EPHB2: variants seen among roughly 807,000 people sequenced by gnomAD.
EPHB2 encodes the protein EPH receptor B2.
Under a neutral mutation model 96.4 loss-of-function variants are expected in EPHB2, and 18 were observed. The ratio of observed to expected loss-of-function variants is 0.19; its 90% CI spans 0.13 to 0.28. The LOEUF (loss-of-function observed/expected upper bound fraction) is 0.28. Ranked by LOEUF, EPHB2 falls within the 10% of genes least tolerant of loss-of-function variation. EPHB2 has a pLI of 1.00. For missense variants in EPHB2, 989 were observed against 1,355.4 expected (o/e 0.73, Z 4.25); for synonymous variants, 506 against 534.1 (o/e 0.95, Z 0.72).
intron 3 of EPHB2, among the ~76,000 whole-genome samples, chr1:22,861,020 A>G (rs1334045969): frequency 6.6e-6 from 1 of 152,190 alleles, no homozygotes; most frequent in Non-Finnish European, 1.5e-5. Context: ...AATGAGAACA[A>G]TGTAGCTCAG....
intron 3 of EPHB2, among the ~76,000 whole-genome samples, chr1:22,838,329 C>T (rs1322185869): frequency 6.6e-6 from 1 of 152,234 alleles, no homozygotes; most frequent in African/African-American, 2.4e-5. Context: ...CATAAGGGAA[C>T]ATATCTGTTC....
At chr1:22,811,836 C>T (rs1645006691) in intron 3 of EPHB2, among the ~76,000 whole-genome samples, 1 of 152,126 alleles carries the variant, frequency 6.6e-6, no homozygotes, top group Non-Finnish European at 1.5e-5. Context: ...TCCCAGAGTT[C>T]CAGACCAGCC....
intron 3 of EPHB2, among the ~76,000 whole-genome samples, chr1:22,796,306 G>A (rs994813154): frequency 3.9e-5 from 6 of 152,102 alleles, no homozygotes; most frequent in East Asian, 1.9e-4. Flanking sequence ...GTTATCCTGC[G>A]GGGTGGGCTG....
chr1:22,854,277 A>C lies in EPHB2; in HGVS notation c.812-8760A>C, dbSNP rs914231008. Among the ~76,000 whole-genome samples, 3 of 152,122 alleles carry C rather than the reference A, an allele frequency of 2.0e-5. No homozygotes were observed. The South Asian group carries it at 6.2e-4, about 32-fold the overall frequency. On this transcript the variant is annotated intron_variant, in intron 3 of 15. Transcript: ENST00000374630. ...TGTAATCCCAGCACTTAGGGAGGTC[A>C]GGGTAGGAGGATCACTTGAGCCCAA...
chr1:22,814,411 C>T (rs960657564), intron 3 of EPHB2, among the ~76,000 whole-genome samples: 4 of 152,182 alleles, frequency 2.6e-5, no homozygotes, highest in South Asian at 2.1e-4. Context: ...GAGGCGGTGT[C>T]CCCAACACTG....
At chr1:22,727,558 T>C (rs1479415140) in intron 1 of EPHB2, among the ~76,000 whole-genome samples, 4 of 152,030 alleles carry the variant, frequency 2.6e-5, no homozygotes, top group Non-Finnish European at 5.9e-5. Context: ...ATGCAGAGTG[T>C]CAGAGCTGGA....
At chr1:22,754,574 C>A (rs868385697) in intron 1 of EPHB2, among the ~76,000 whole-genome samples, 1 of 151,378 alleles carries the variant, frequency 6.6e-6, no homozygotes, top group African/African-American at 2.4e-5. Context: ...GCGAGGTGTG[C>A]AGTGGAGCTT....
At chr1:22,711,199 G>C (rs866277356) in intron 1 of EPHB2, among the ~76,000 whole-genome samples, 156 bp downstream of exon 1, 5 of 146,664 alleles carry the variant, frequency 3.4e-5, no homozygotes, top group Admixed American at 2.0e-4. Context: ...GCCGCGCCGG[G>C]AGGAGCGGGC....
chr1:22,800,674 C>T (rs562933205), intron 3 of EPHB2, among the ~76,000 whole-genome samples: 12 of 150,270 alleles, frequency 8.0e-5, no homozygotes, highest in Admixed American at 2.7e-4. Flanking sequence ...TACTTGTTAG[C>T]ATATGTGAGC....
intron 1 of EPHB2, 81 bp from the exon 2 acceptor site, chr1:22,781,340 G>GAAGA (rs1644529212): frequency 9.1e-7 from 1 of 1,093,016 alleles, no homozygotes; most frequent in East Asian, 2.6e-5. Flanking sequence ...AAAAAAAGAA[G>GAAGA]AAGAAGGATG....
chr1:22,903,094 G>T (rs967452799), intron 9 of EPHB2, among the ~76,000 whole-genome samples: 1 of 152,246 alleles, frequency 6.6e-6, no homozygotes, highest in East Asian at 1.9e-4. Flanking sequence ...AGCTGGGAAT[G>T]CCAGGCAGGG....
chr1:22,796,786 CTG>C (rs1035300110), intron 3 of EPHB2, among the ~76,000 whole-genome samples: 2 of 152,238 alleles, frequency 1.3e-5, no homozygotes, highest in African/African-American at 4.8e-5. Context: ...GGTGCTCACT[CTG>C]TGCCAGGCTG....
At chr1:22,840,051 T>TA (rs1474945467) in intron 3 of EPHB2, among the ~76,000 whole-genome samples, 1 of 152,118 alleles carries the variant, frequency 6.6e-6, no homozygotes, top group Non-Finnish European at 1.5e-5. Context: ...AAGTACTCAG[T>TA]AAATCTTGGA....
At chr1:22,890,596 T>C (rs556542599) in intron 6 of EPHB2, among the ~76,000 whole-genome samples, 1 of 152,264 alleles carries the variant, frequency 6.6e-6, no homozygotes, top group South Asian at 2.1e-4. Flanking sequence ...CGAGGGAGCT[T>C]TCCTGACTTC....
At chr1:22,880,687 G>A (rs1639010214) in intron 5 of EPHB2, among the ~76,000 whole-genome samples, 1 of 152,248 alleles carries the variant, frequency 6.6e-6, no homozygotes, top group South Asian at 2.1e-4. Flanking sequence ...ATCTCAGGAA[G>A]CCGTGTGCAC....
In EPHB2 at chr1:22,913,260, C is replaced by A; in HGVS notation, c.2853-202C>A. The stretch of plus-strand genomic sequence containing the variant: ...CAGGGGAGAGAAGGCCCCCTAGGGA[C>A]CCTGATTCCGACTCAAGTGCTCTTC... On this transcript the variant is annotated intron_variant, in intron 15 of 15. Coordinates refer to ENST00000374630, the MANE Select transcript of EPHB2 (RefSeq NM_017449.5). The surrounding 1 kb of genome is among the most constrained non-coding windows in gnomAD (Gnocchi z 4.1). 1 of 651,390 alleles carries A rather than the reference C, an allele frequency of 1.5e-6. No homozygotes were observed. The highest frequency in any genetic ancestry group is 2.7e-6 in the Non-Finnish European group (1 of 367,200). 40.4% of individuals were successfully genotyped at this position (651,390 alleles called of 1,614,324 possible).
chr1:22,843,499 C>T (rs1645498139), intron 3 of EPHB2, among the ~76,000 whole-genome samples: 1 of 152,086 alleles, frequency 6.6e-6, no homozygotes, highest in Admixed American at 6.6e-5. Flanking sequence ...CTCCTCCCAC[C>T]CTCCACCCTC....
intron 1 of EPHB2, among the ~76,000 whole-genome samples, chr1:22,756,459 G>A (rs188625730): frequency 1.3e-5 from 2 of 152,268 alleles, no homozygotes; most frequent in African/African-American, 4.8e-5. Flanking sequence ...CCCGCCTGAG[G>A]TGTGGACTGG....
Position 22,881,841 on chromosome 1 carries a change from C to T in EPHB2, c.1304-518C>T, listed in dbSNP as rs961125393. Among the ~76,000 whole-genome samples the T allele has an allele frequency of 5.3e-5, 8 of 152,238 alleles. No individual in the cohort carries two copies. The East Asian group carries it at 1.6e-3, about 30-fold the overall frequency. On this transcript the variant is annotated intron_variant, in intron 5 of 15. Transcript: ENST00000374630. Reference sequence around the variant, plus strand: ...CTCCTGACCTCAGGTGATCTGCCCACCTCAGCCTCCCAAAGTGCTGGGATT... The same window carrying T: ...CTCCTGACCTCAGGTGATCTGCCCATCTCAGCCTCCCAAAGTGCTGGGATT...
Sources: gnomAD v4.1 joint callset for allele counts (sites outside exome capture counted in the v4.1 genomes callset) on GRCh38, gnomAD v4.1.1 for gene constraint, Gnocchi (gnomAD v3.1) non-coding constraint, MANE v1.5 for transcripts, NCBI Gene and HGNC (gene_info 2026-07-23, HGNC 2026-07-21) for gene names.